The following MLYCD variants were observed in gnomAD, a reference collection of about 807,000 sequenced individuals.
The protein encoded by MLYCD is malonyl-CoA decarboxylase, also known as malonyl-CoA decarboxylase, mitochondrial.
Under a neutral mutation model 35.8 loss-of-function variants are expected in MLYCD, and 27 were observed. That is an observed-to-expected ratio of 0.75 (90% CI 0.56 to 1.04). The LOEUF (loss-of-function observed/expected upper bound fraction) is 1.04, where lower values mean the gene tolerates loss of function less well. Among genes scored for constraint, MLYCD ranks in the 50% least tolerant of loss-of-function variants. The pLI is 0.00. For missense variants in MLYCD, 917 were observed against 665.1 expected (o/e 1.38, Z -4.17); for synonymous variants, 403 against 302.4 (o/e 1.33, Z -3.45).
chr16:83,908,181 C>T lies in MLYCD; in HGVS notation c.697C>T (p.Pro233Ser), dbSNP rs1405463549. 1 of 1,614,172 alleles carries T rather than the reference C, an allele frequency of 6.2e-7. No homozygotes were observed. Among genetic ancestry groups the T allele is most frequent in the East Asian group, 2.2e-5 (1 of 44,882 alleles). The change falls in exon 3 of 5, where the codon CCC (proline) becomes TCC (serine). Residue 233 changes from proline (P) to serine (S), a missense_variant. Transcript: ENST00000262430. ...NWMDMKRRVG[P>S]YRRCYFFSHC... ...GATGGACATGAAGCGCCGCGTTGGG[C>T]CCTACAGAAGGTGTTACTTCTTTTC...
Position 83,908,261 on chromosome 16 carries a change from T to C in MLYCD, c.777T>C (p.Gly259=). 6.2e-7 allele frequency: 1 copy of C among 1,614,178 alleles called. No individual in the cohort carries two copies. The highest frequency in any genetic ancestry group is 1.7e-5 in the Admixed American group (1 of 60,026). The change falls in exon 3 of 5, where the codon GGT becomes GGC. Residue 259 remains glycine, a synonymous_variant. Coordinates refer to ENST00000262430, the MANE Select transcript of MLYCD (RefSeq NM_012213.3). Reference sequence around the variant, plus strand: ...TCGTTTTGCACGTGGCACTGACTGGTGACATCTCCAGCAACATCCAGGTAC... The same window carrying C: ...TCGTTTTGCACGTGGCACTGACTGGCGACATCTCCAGCAACATCCAGGTAC... ...PLVVLHVALT[G]DISSNIQAIV...
chr16:83,909,069 C>T (rs1027669643), intron 3 of MLYCD, among the ~76,000 whole-genome samples: 5 of 152,084 alleles, frequency 3.3e-5, no homozygotes, highest in African/African-American at 4.8e-5. Flanking sequence ...CATTCCTGAT[C>T]ACCAAGGAGA....
Position 83,916,152 on chromosome 16 carries a change from A to G in MLYCD, c.*663A>G, listed in dbSNP as rs1288471048. ...TCAGGTTCATAATGAACTTCACAGT[A>G]AAGAACACGTTTGTTCTGTAAAGCA... On this transcript the variant is annotated 3_prime_UTR_variant, in exon 5 of 5. Transcript: ENST00000262430. 2.0e-6 allele frequency: 2 copies of G among 992,690 alleles called. No homozygotes were observed. Among genetic ancestry groups the G allele is most frequent in the Non-Finnish European group, 1.2e-6 (1 of 833,132 alleles). The allele number at this position is 992,690 out of a possible 1,614,324, so 61.5% of individuals were successfully genotyped here. A position where few individuals can be genotyped will look rare whatever the true frequency, so the allele number is the denominator to read the frequency against.
rs1016473624 is a variant in MLYCD, at chr16:83,921,554, G to A, written c.*6065G>A. ...GCGGAGGATGTTAGGATGGGTGGAT[G>A]GATGTATTAACATCCCTTCTCCATG... is the stretch of plus-strand genomic sequence containing the variant. On this transcript the variant is annotated 3_prime_UTR_variant, in exon 5 of 5. Coordinates refer to ENST00000262430, the MANE Select transcript of MLYCD (RefSeq NM_012213.3). 6.6e-6 allele frequency: 1 copy of A among 152,190 alleles called. No homozygotes were observed. Among genetic ancestry groups the A allele is most frequent in the African/African-American group, 2.4e-5 (1 of 41,402 alleles). The allele number at this position is 152,190 out of a possible 1,614,324, so 9.4% of individuals were successfully genotyped here.
rs377161125 is a variant in MLYCD, at chr16:83,915,081, G to A, written c.1074G>A (p.Ser358=). The A allele has an allele frequency of 5.4e-4, 867 of 1,614,214 alleles. 4 individuals are homozygous for A. Among genetic ancestry groups the A allele is most frequent in the South Asian group, 1.1e-3 (102 of 91,088 alleles). ...GGAGGAATGAACTCTTTACAGATTC[G>A]GAATGTAAGGAAATCTCGGAGATCA... ...EHGRNELFTD[S]ECKEISEITG... The change falls in exon 5 of 5, where the codon TCG becomes TCA. Residue 358 remains serine (S), a synonymous_variant. Transcript: ENST00000262430.
chr16:83,920,705 C>G lies in MLYCD; in HGVS notation c.*5216C>G, dbSNP rs1454821522. 6.6e-6 allele frequency: 1 copy of G among 152,228 alleles called. No homozygotes were observed. The highest frequency in any genetic ancestry group is 1.5e-5 in the Non-Finnish European group (1 of 68,052). 9.4% of individuals were successfully genotyped at this position (152,228 alleles called of 1,614,324 possible). A position where few individuals can be genotyped will look rare whatever the true frequency, so the allele number is the denominator to read the frequency against. ...TTCCCACCTTTCACACCTCATCTCT[C>G]TAACCTCTTATGGAAAATTTCAAAC... On this transcript the variant is annotated 3_prime_UTR_variant, in exon 5 of 5. Coordinates refer to ENST00000262430, the MANE Select transcript of MLYCD (RefSeq NM_012213.3).
In MLYCD at chr16:83,921,299, TAATG is replaced by T. The variant is rs1433557426; in HGVS notation, c.*5811_*5814del. The stretch of plus-strand genomic sequence containing the variant: ...GGATGGATGGTGGAGGGCAGAGTGT[TAATG>T]GAAGGAAGATGAATGGATAGATGGA... On this transcript the variant is annotated 3_prime_UTR_variant, in exon 5 of 5. Transcript: ENST00000262430. The T allele has an allele frequency of 2.2e-5, 3 of 138,442 alleles. No homozygotes were observed. The highest frequency in any genetic ancestry group is 4.6e-5 in the Non-Finnish European group (3 of 64,532). The allele number at this position is 138,442 out of a possible 1,614,324, so 8.6% of individuals were successfully genotyped here.
chr16:83,911,551 G>T (rs1381756771), intron 3 of MLYCD: 1 of 153,596 alleles, frequency 6.5e-6, no homozygotes, highest in African/African-American at 2.4e-5. Context: ...CCGTGAGAAT[G>T]AGAGGCAATA....
intron 3 of MLYCD, among the ~76,000 whole-genome samples, chr16:83,910,616 A>C (rs563400395): frequency 6.6e-6 from 1 of 151,680 alleles, no homozygotes; most frequent in Admixed American, 6.6e-5. Context: ...ATCGCTTGCC[A>C]CTAGGCAGAG....
rs1907522259 is a variant in MLYCD at position 83,918,570 on chromosome 16, C to CAG, written c.*3083_*3084dup. The CAG allele has an allele frequency of 1.2e-5, 1 of 84,330 alleles. No individual in the cohort carries two copies. Among genetic ancestry groups the CAG allele is most frequent in the Admixed American group, 1.2e-4 (1 of 8,386 alleles). The allele number at this position is 84,330 out of a possible 1,614,324, so 5.2% of individuals were successfully genotyped here. A position where few individuals can be genotyped will look rare whatever the true frequency, so the allele number is the denominator to read the frequency against. On this transcript the variant is annotated 3_prime_UTR_variant, in exon 5 of 5. Coordinates refer to ENST00000262430, the MANE Select transcript of MLYCD (RefSeq NM_012213.3). ...CAGGAGAACACGCACACACGGTGCA[C>CAG]AGAACACACACAGTGCACAGGAGAA...
chr16:83,903,112 C>T (rs776620017), intron 1 of MLYCD, among the ~76,000 whole-genome samples: 1 of 152,104 alleles, frequency 6.6e-6, no homozygotes, highest in Non-Finnish European at 1.5e-5. Flanking sequence ...TTTGTGGGCA[C>T]TCGAGGAAGG....
At position 83,899,462 on chromosome 16, in the gene MLYCD, C is replaced by A; in HGVS notation, c.318C>A (p.Ser106Arg). ...GVDHGQVAEQ[S>R]AGVLHLRQQQ... ...ACCACGGCCAGGTGGCGGAGCAGAG[C>A]GCCGGCGTGCTCCATCTGCGCCAGC... The change falls in exon 1 of 5, where the codon AGC (serine) becomes AGA (arginine). Residue 106 changes from serine to arginine, a missense_variant. Physicochemically the swap from Ser to Arg is moderately radical, Grantham distance 110. Transcript: ENST00000262430. 1 of 1,536,198 alleles carries A rather than the reference C, an allele frequency of 6.5e-7. No individual in the cohort carries two copies. Among genetic ancestry groups the A allele is most frequent in the South Asian group, 1.2e-5 (1 of 84,206 alleles).
rs1907797563 is a variant in MLYCD at position 83,926,086 on chromosome 16, G to A, written c.*10597G>A. 6.6e-6 allele frequency: 1 copy of A among 152,286 alleles called. No individual in the cohort carries two copies. Among genetic ancestry groups the A allele is most frequent in the South Asian group, 2.1e-4 (1 of 4,840 alleles). 9.4% of individuals were successfully genotyped at this position (152,286 alleles called of 1,614,324 possible). ...TGGCCTGGGGCCACGCTGGTTACTT[G>A]GGTACACTCCTTGCCCAGGGTTCCA... On this transcript the variant is annotated 3_prime_UTR_variant, in exon 5 of 5. Coordinates refer to ENST00000262430, the MANE Select transcript of MLYCD (RefSeq NM_012213.3).
chr16:83,920,261 CAG>C lies in MLYCD; in HGVS notation c.*4774_*4775del, dbSNP rs1310520710. 6.6e-6 allele frequency: 1 copy of C among 152,202 alleles called. No homozygotes were observed. The highest frequency in any genetic ancestry group is 1.5e-5 in the Non-Finnish European group (1 of 68,024). 9.4% of individuals were successfully genotyped at this position (152,202 alleles called of 1,614,324 possible). On this transcript the variant is annotated 3_prime_UTR_variant, in exon 5 of 5. Coordinates refer to ENST00000262430, the MANE Select transcript of MLYCD (RefSeq NM_012213.3). ...GAGCCCATTCTGTTTGCGATAAAAA[CAG>C]ATCTCCTCCAGCTCACGTGAGGCTA... is the stretch of plus-strand genomic sequence containing the variant.
chr16:83,926,152 C>T lies in MLYCD; in HGVS notation c.*10663C>T, dbSNP rs936025511. ...AGGGTCTTTCTGGCCACGCCTGGCC[C>T]TGGTCTGGCCTCCCCAAGGAGCCCT... On this transcript the variant is annotated 3_prime_UTR_variant, in exon 5 of 5. Transcript: ENST00000262430. The T allele has an allele frequency of 1.3e-5, 2 of 152,352 alleles. No individual in the cohort carries two copies. The highest frequency in any genetic ancestry group is 4.8e-5 in the African/African-American group (2 of 41,462). 9.4% of individuals were successfully genotyped at this position (152,352 alleles called of 1,614,324 possible). A position where few individuals can be genotyped will look rare whatever the true frequency, so the allele number is the denominator to read the frequency against.
At position 83,915,920 on chromosome 16, in the gene MLYCD, G is replaced by C. The variant is rs914723096; in HGVS notation, c.*431G>C. ...CCTTTGTGCTCATAAAACAGAATGC[G>C]GCGATGGTTGCTTTAGCCGTTTCTC... On this transcript the variant is annotated 3_prime_UTR_variant, in exon 5 of 5. Transcript: ENST00000262430. 9.3e-7 allele frequency: 1 copy of C among 1,080,880 alleles called. No individual in the cohort carries two copies. Among genetic ancestry groups the C allele is most frequent in the Non-Finnish European group, 1.1e-6 (1 of 886,872 alleles). 67.0% of individuals were successfully genotyped at this position (1,080,880 alleles called of 1,614,324 possible).
rs543770000 is a variant in MLYCD at position 83,919,317 on chromosome 16, C to T, written c.*3828C>T. ...AATTCACACAGTGCACAGGAGAACA[C>T]ACACAGTGCACAGAATTCATGCACA... On this transcript the variant is annotated 3_prime_UTR_variant, in exon 5 of 5. Coordinates refer to ENST00000262430, the MANE Select transcript of MLYCD (RefSeq NM_012213.3). 1.3e-4 allele frequency: 20 copies of T among 148,744 alleles called. No individual in the cohort carries two copies. Among genetic ancestry groups the T allele is most frequent in the African/African-American group, 5.0e-4 (20 of 39,614 alleles). 9.2% of individuals were successfully genotyped at this position (148,744 alleles called of 1,614,324 possible). A position where few individuals can be genotyped will look rare whatever the true frequency, so the allele number is the denominator to read the frequency against.
At chr16:83,906,965 G>C in intron 1 of MLYCD, 22 bp from the exon 2 acceptor site, 1 of 1,602,966 alleles carries the variant, frequency 6.2e-7, no homozygotes, top group Non-Finnish European at 8.5e-7. Context: ...TGGAGGCCTG[G>C]GATTTATCTT....
rs1907206554 is a variant in MLYCD at position 83,912,264 on chromosome 16, A to G, written c.845A>G (p.Lys282Arg). Residue 282 changes from lysine to arginine, a missense_variant, in exon 4 of 5, where the codon AAA (lysine) becomes AGA (arginine). By Grantham distance (26) the Lys-to-Arg change is conservative. Coordinates refer to ENST00000262430, the MANE Select transcript of MLYCD (RefSeq NM_012213.3). The stretch of plus-strand genomic sequence containing the variant: ...CCATCAGAAACAGAAGAGAAGAACA[A>G]AATCACTGCTGCGATCTTTTATTCC... ...HPPSETEEKN[K>R]ITAAIFYSIS... 3.1e-6 allele frequency: 5 copies of G among 1,614,090 alleles called. No homozygotes were observed. Among genetic ancestry groups the G allele is most frequent in the South Asian group, 1.1e-5 (1 of 91,090 alleles).
Sources: allele counts gnomAD v4.1 joint callset (sites outside exome capture counted in the v4.1 genomes callset), GRCh38; gene constraint gnomAD v4.1.1; transcripts MANE v1.5; gene names NCBI Gene and HGNC (gene_info 2026-07-23, HGNC 2026-07-21).